Variants in FILIP1L observed in about 807,000 individuals in gnomAD.
FILIP1L encodes the protein filamin A interacting protein 1 like.
Under a neutral mutation model 96.6 loss-of-function variants are expected in FILIP1L, and 55 were observed. That is an observed-to-expected ratio of 0.57 (90% CI 0.46 to 0.71). The LOEUF (loss-of-function observed/expected upper bound fraction) is 0.71. Among genes scored for constraint, FILIP1L ranks in the 30% least tolerant of loss-of-function variants. The pLI, the probability that FILIP1L is intolerant of heterozygous loss-of-function variation, is 0.00. For synonymous variants in FILIP1L, 467 were observed against 473.9 expected (o/e 0.99, Z 0.19); for missense variants, 1,304 against 1,321.2 (o/e 0.99, Z 0.20).
intron 4 of FILIP1L, among the ~76,000 whole-genome samples, chr3:99,853,883 A>G (rs1156278923): frequency 6.6e-6 from 1 of 152,182 alleles, no homozygotes; most frequent in African/African-American, 2.4e-5. Context: ...ACCCATAGCC[A>G]TCAACTTGGG....
chr3:100,015,505 A>T (rs1463559042), intron 1 of FILIP1L, among the ~76,000 whole-genome samples: 1 of 152,182 alleles, frequency 6.6e-6, no homozygotes, highest in Non-Finnish European at 1.5e-5. Flanking sequence ...TCATTTTTCT[A>T]ATTCATGAAC....
chr3:100,075,896 G>A (rs992559934), intron 1 of FILIP1L, among the ~76,000 whole-genome samples: 1 of 152,122 alleles, frequency 6.6e-6, no homozygotes, highest in Non-Finnish European at 1.5e-5. Context: ...GGGGTATTAG[G>A]ATTCGATTCA....
chr3:99,849,814 T>C lies in FILIP1L; in HGVS notation c.1862A>G (p.Glu621Gly). Reference sequence around the variant, plus strand: ...AGAGAGCTCCTTAATCTTATTGTTTTCTTGGTGTAATGCTGTTGTGGATTT... The same window carrying C: ...AGAGAGCTCCTTAATCTTATTGTTTCCTTGGTGTAATGCTGTTGTGGATTT... ...SGKSTTALHQENNKIKELSQE... is the reference protein window; with the variant it reads ...SGKSTTALHQGNNKIKELSQE... Residue 621 changes from glutamate (E) to glycine (G), a missense_variant, in exon 5 of 6, where the codon GAA becomes GGA. Coordinates refer to ENST00000477258, the MANE Select transcript of FILIP1L (RefSeq NM_001387850.1). The C allele has an allele frequency of 6.2e-7, 1 of 1,612,722 alleles. No homozygotes were observed. The highest frequency in any genetic ancestry group is 8.5e-7 in the Non-Finnish European group (1 of 1,179,854).
intron 4 of FILIP1L, among the ~76,000 whole-genome samples, chr3:99,872,833 G>C (rs1473934414): frequency 4.6e-5 from 7 of 151,948 alleles, no homozygotes; most frequent in Admixed American, 4.6e-4. Context: ...GACTTTCCTT[G>C]GTAAGCCTTC....
rs561798324 is a variant in FILIP1L, at chr3:100,076,938, T to C, written c.-11+37115A>G. ...ACAAAAATTACTTTTCAAATTACAGTTCCTGCAAGAGATGTCTCTTCCCAG... is the reference window on the plus strand; with the variant it reads ...ACAAAAATTACTTTTCAAATTACAGCTCCTGCAAGAGATGTCTCTTCCCAG... On this transcript the variant is annotated intron_variant, in intron 1 of 5. Coordinates refer to ENST00000477258, the MANE Select transcript of FILIP1L (RefSeq NM_001387850.1). Among the ~76,000 whole-genome samples, 39 of 152,348 alleles carry C rather than the reference T, an allele frequency of 2.6e-4. 1 individual carries two copies. The highest frequency in any genetic ancestry group is 4.1e-4 in the South Asian group (2 of 4,834).
chr3:99,903,087 A>T (rs1255274664), intron 4 of FILIP1L, among the ~76,000 whole-genome samples: 1 of 152,010 alleles, frequency 6.6e-6, no homozygotes, highest in Non-Finnish European at 1.5e-5. Context: ...TACCTTATTT[A>T]TCATCTCAGG....
chr3:99,980,958 C>A (rs773954672), intron 1 of FILIP1L, among the ~76,000 whole-genome samples: 3 of 152,000 alleles, frequency 2.0e-5, no homozygotes, highest in Non-Finnish European at 4.4e-5. Context: ...CAATTGGGAC[C>A]CATTTAACCA....
intron 1 of FILIP1L, among the ~76,000 whole-genome samples, chr3:100,062,212 G>T (rs2065583644): frequency 6.9e-6 from 1 of 145,584 alleles, no homozygotes; most frequent in African/African-American, 2.6e-5. Context: ...CCCGGGTTCA[G>T]GCCATTCTCC....
intron 1 of FILIP1L, among the ~76,000 whole-genome samples, chr3:100,008,059 T>G (rs765419677): frequency 1.3e-5 from 2 of 152,200 alleles, no homozygotes; most frequent in East Asian, 1.9e-4. Context: ...CTCCTCCAAG[T>G]TGACATAACA....
intron 4 of FILIP1L, among the ~76,000 whole-genome samples, chr3:99,903,604 G>A (rs1363694968): frequency 6.6e-6 from 1 of 152,196 alleles, no homozygotes; most frequent in East Asian, 1.9e-4. Flanking sequence ...CAAAAAAAAA[G>A]TAGGTTTAGA....
intron 5 of FILIP1L, among the ~76,000 whole-genome samples, chr3:99,844,714 C>T (rs1576504194): frequency 6.6e-6 from 1 of 152,278 alleles, no homozygotes; most frequent in South Asian, 2.1e-4. Context: ...TGTGGTTTAG[C>T]TCTGTGTCCT....
At chr3:100,088,225 CATT>C (rs1356605605) in intron 1 of FILIP1L, among the ~76,000 whole-genome samples, 6 of 152,130 alleles carry the variant, frequency 3.9e-5, no homozygotes, top group Non-Finnish European at 8.8e-5. Context: ...GAGAAGTTAT[CATT>C]ATATGTGTCC....
chr3:99,896,531 G>T (rs1373633330), intron 4 of FILIP1L, among the ~76,000 whole-genome samples: 1 of 152,180 alleles, frequency 6.6e-6, no homozygotes, highest in Admixed American at 6.5e-5. Context: ...GTTCCCAAAA[G>T]AGAACGTAGT....
intron 1 of FILIP1L, among the ~76,000 whole-genome samples, chr3:100,029,331 A>G (rs934782248): frequency 7.2e-5 from 11 of 152,034 alleles, no homozygotes; most frequent in Admixed American, 1.3e-4. Flanking sequence ...ACATAACACT[A>G]TTGATTTTGA....
At position 100,113,874 on chromosome 3, in the gene FILIP1L, C is replaced by G. The variant is rs368800125; in HGVS notation, c.-11+179G>C. ...TAGTTCCTCTATTTTGCAAGCAACT[C>G]TTAGTCATTTTAGCCTAAAAGTCAT... is the stretch of plus-strand genomic sequence containing the variant. On this transcript the variant is annotated intron_variant, in intron 1 of 5. Transcript: ENST00000477258. 7.2e-5 allele frequency among the ~76,000 whole-genome samples: 11 copies of G among 152,296 alleles called. No individual in the cohort carries two copies. In the East Asian group the frequency reaches 1.9e-3, roughly 27 times the overall value.
At chr3:99,871,632 G>T (rs1247949715) in intron 4 of FILIP1L, among the ~76,000 whole-genome samples, 1 of 152,172 alleles carries the variant, frequency 6.6e-6, no homozygotes, top group Non-Finnish European at 1.5e-5. Context: ...TGTTTTGAAG[G>T]CATTGAGTCA....
At chr3:100,038,779 G>T (rs1348406914) in intron 1 of FILIP1L, among the ~76,000 whole-genome samples, 1 of 152,102 alleles carries the variant, frequency 6.6e-6, no homozygotes, top group African/African-American at 2.4e-5. Context: ...GAGATTACAG[G>T]TGCCAAGCCA....
intron 1 of FILIP1L, among the ~76,000 whole-genome samples, chr3:100,031,037 A>G (rs960274212): frequency 6.6e-6 from 1 of 152,192 alleles, no homozygotes; most frequent in Non-Finnish European, 1.5e-5. Context: ...CTCTCTTCCT[A>G]ACATAAAATG....
chr3:99,995,373 A>G (rs1305754157), intron 1 of FILIP1L, among the ~76,000 whole-genome samples: 1 of 152,202 alleles, frequency 6.6e-6, no homozygotes, highest in African/African-American at 2.4e-5. Context: ...GGTCTTAGGC[A>G]GCTCAGCCCC....
Sources: allele counts gnomAD v4.1 joint callset (sites outside exome capture counted in the v4.1 genomes callset), GRCh38; gene constraint gnomAD v4.1.1; transcripts MANE v1.5; gene names NCBI Gene and HGNC (gene_info 2026-07-23, HGNC 2026-07-21).